The following CA14 variants were observed in gnomAD, a reference collection of about 807,000 sequenced individuals.
CA14 encodes the protein carbonic anhydrase 14.
In CA14, 44 loss-of-function variants were observed where a neutral mutation model predicts 48.8. That is an observed-to-expected ratio of 0.90 (90% confidence interval 0.71 to 1.16). The LOEUF is 1.16. Among genes scored for constraint, CA14 ranks in the 50% most tolerant of loss-of-function variants. CA14 has a pLI of 0.00. For synonymous variants in CA14, 154 were observed against 155.0 expected, an observed-to-expected ratio of 0.99 and a Z score of 0.05; for missense variants, 386 against 401.0, an observed-to-expected ratio of 0.96 and a Z score of 0.32.
rs781986711 is a variant in CA14 at position 150,262,913 on chromosome 1, C to CA, written c.562+48dup. On this transcript the variant is annotated intron_variant, in intron 6 of 10. Coordinates refer to ENST00000369111, the MANE Select transcript of CA14 (RefSeq NM_012113.3). ...ATAGCAGGAAGTAAGATTAGACTTT[C>CA]AAAAACTATCCTTAAAAGCCTTGGG... is the stretch of plus-strand genomic sequence containing the variant. 4.4e-6 allele frequency: 7 copies of CA among 1,585,862 alleles called. No individual in the cohort carries two copies. The South Asian group carries it at 7.7e-5, about 18-fold the overall frequency.
intron 2 of CA14, chr1:150,260,741 ATC>A (rs1650944080): frequency 7.1e-6 from 1 of 141,114 alleles, no homozygotes; most frequent in South Asian, 1.9e-4. Flanking sequence ...AGGAGACCGT[ATC>A]TCTCTAGGTT....
In CA14 at chr1:150,258,127, C is replaced by CT; in HGVS notation, c.-1dup. Reference sequence around the variant, plus strand: ...GTCCCCTGCACCCCTTCCTGGGACACTATGTTGTTCTCCGCCCTCCTGCTG... The same window carrying CT: ...GTCCCCTGCACCCCTTCCTGGGACACTTATGTTGTTCTCCGCCCTCCTGCTG... On this transcript the variant is annotated 5_prime_UTR_variant, in exon 1 of 11. Coordinates refer to ENST00000369111, the MANE Select transcript of CA14 (RefSeq NM_012113.3). 6.2e-7 allele frequency: 1 copy of CT among 1,609,588 alleles called. No individual in the cohort carries two copies. Among genetic ancestry groups the CT allele is most frequent in the Non-Finnish European group, 8.5e-7 (1 of 1,177,248 alleles).
intron 5 of CA14, 46 bp from the exon 6 acceptor site, chr1:150,262,758 C>T: frequency 6.7e-7 from 1 of 1,498,578 alleles, no homozygotes; most frequent in Non-Finnish European, 9.3e-7. Flanking sequence ...TTTCTTATTC[C>T]AAACATGGAC....
At chr1:150,263,732 G>T in intron 9 of CA14, 53 bp downstream of exon 9, 1 of 1,612,714 alleles carries the variant, frequency 6.2e-7, no homozygotes, top group Non-Finnish European at 8.5e-7. Flanking sequence ...TCACCGAGTG[G>T]GGGAAAGGCT....
At position 150,263,878 on chromosome 1, in the gene CA14, G is replaced by A. The variant is rs781803173; in HGVS notation, c.947G>A (p.Arg316Gln). The change falls in exon 10 of 11, where the codon CGG (arginine) becomes CAG (glutamine). Residue 316 changes from arginine (R) to glutamine (Q), a missense_variant and splice_region_variant. Coordinates refer to ENST00000369111, the MANE Select transcript of CA14 (RefSeq NM_012113.3). ...GTTTATTTCATTGCTAGAAAGATTCGGTGAGGCCCTACTTTCCATTCCTCC... is the reference window on the plus strand; with the variant it reads ...GTTTATTTCATTGCTAGAAAGATTCAGTGAGGCCCTACTTTCCATTCCTCC... ...LAVYFIARKI[R>Q]KKRLENRKSV... The A allele has an allele frequency of 8.7e-6, 14 of 1,608,178 alleles. No individual in the cohort carries two copies. In the East Asian group the frequency reaches 1.1e-4, roughly 13 times the overall value.
intron 6 of CA14, 77 bp downstream of exon 6, chr1:150,262,947 A>G (rs1651197173): frequency 6.3e-7 from 1 of 1,582,392 alleles, no homozygotes. Flanking sequence ...GGATGAAGCA[A>G]TTACATAGAG....
chr1:150,258,674 T>TA (rs1373278345), intron 1 of CA14, among the ~76,000 whole-genome samples: 4 of 152,226 alleles, frequency 2.6e-5, no homozygotes, highest in African/African-American at 9.6e-5. Context: ...GTGGAGCGAC[T>TA]AACTCCCCAG....
At chr1:150,261,822 G>A (rs1651059981) in intron 3 of CA14, among the ~76,000 whole-genome samples, 184 bp downstream of exon 3, 1 of 152,152 alleles carries the variant, frequency 6.6e-6, no homozygotes, top group African/African-American at 2.4e-5. Context: ...AATAACCTCA[G>A]GAGTCAGAGG....
chr1:150,260,447 G>T, intron 2 of CA14: 1 of 534,178 alleles, frequency 1.9e-6, no homozygotes, highest in Non-Finnish European at 3.4e-6. Flanking sequence ...AAGCTGGGTG[G>T]GAACTCTGAG....
At position 150,258,173 on chromosome 1, in the gene CA14, T is replaced by C; in HGVS notation, c.45T>C (p.Ala15=). Residue 15 remains alanine (A), a synonymous_variant, in exon 1 of 11, where the codon GCT becomes GCC. Coordinates refer to ENST00000369111, the MANE Select transcript of CA14 (RefSeq NM_012113.3). ...ALLLEVIWIL[A]ADGGQHWTYE... ...TGCTGGAGGTGATTTGGATCCTGGCTGCAGATGGGGGTAGGTACAACTAAA... is the reference window on the plus strand; with the variant it reads ...TGCTGGAGGTGATTTGGATCCTGGCCGCAGATGGGGGTAGGTACAACTAAA... 6.8e-6 allele frequency: 11 copies of C among 1,611,498 alleles called. No individual in the cohort carries two copies. Among genetic ancestry groups the C allele is most frequent in the Non-Finnish European group, 9.3e-6 (11 of 1,178,290 alleles).
chr1:150,263,554 C>T (rs782264143), intron 8 of CA14, 105 bp from the exon 9 acceptor site: 285 of 1,610,798 alleles, frequency 1.8e-4, no homozygotes, highest in Non-Finnish European at 2.3e-4. Context: ...CAACCCCCAC[C>T]CCAGGGTGCC....
At chr1:150,264,457 C>T in intron 10 of CA14, 136 bp from the exon 11 acceptor site, 1 of 580,478 alleles carries the variant, frequency 1.7e-6, no homozygotes, top group Non-Finnish European at 3.1e-6. Context: ...CCCGCCTCAG[C>T]CTCCCAAAGT....
At chr1:150,261,199 A>C in intron 2 of CA14, 1 of 496,402 alleles carries the variant, frequency 2.0e-6, no homozygotes, top group East Asian at 3.3e-5. Context: ...TAAAAGAGCT[A>C]CCACTCCCCA....
rs782165880 is a variant in CA14 at position 150,258,151 on chromosome 1, T to C, written c.23T>C (p.Leu8Pro). ...ACTATGTTGTTCTCCGCCCTCCTGC[T>C]GGAGGTGATTTGGATCCTGGCTGCA... MLFSALLLEVIWILAADG... is the reference protein window; with the variant it reads MLFSALLPEVIWILAADG... Residue 8 changes from leucine (L) to proline (P), a missense_variant, in exon 1 of 11, where the codon CTG (leucine) becomes CCG (proline). Coordinates refer to ENST00000369111, the MANE Select transcript of CA14 (RefSeq NM_012113.3). 1.1e-5 allele frequency: 18 copies of C among 1,611,174 alleles called. No homozygotes were observed. In the African/African-American group the frequency reaches 1.9e-4, roughly 17 times the overall value.
Position 150,262,190 on chromosome 1 carries a change from G to A in CA14, c.289G>A (p.Gly97Ser), listed in dbSNP as rs145003403. ...QLSLPSTLYLGGLPRKYVAAQ... is the reference protein window; with the variant it reads ...QLSLPSTLYLSGLPRKYVAAQ... Reference sequence around the variant, plus strand: ...CTCTCTGCCCTCTACCCTGTATCTGGGTGGACTTCCCCGAAAATATGTAGC... The same window carrying A: ...CTCTCTGCCCTCTACCCTGTATCTGAGTGGACTTCCCCGAAAATATGTAGC... The change falls in exon 4 of 11, where the codon GGT (glycine) becomes AGT (serine). Residue 97 changes from glycine (G) to serine (S), a missense_variant. Physicochemically the swap from Gly to Ser is moderately conservative, Grantham distance 56. Coordinates refer to ENST00000369111, the MANE Select transcript of CA14 (RefSeq NM_012113.3). The A allele has an allele frequency of 1.4e-5, 22 of 1,614,032 alleles. No individual in the cohort carries two copies. In the African/African-American group the frequency reaches 2.4e-4, roughly 18 times the overall value.
intron 4 of CA14, 73 bp downstream of exon 4, chr1:150,262,373 C>G: frequency 6.5e-7 from 1 of 1,549,720 alleles, no homozygotes; most frequent in Non-Finnish European, 8.8e-7. Context: ...GGATCTGGAC[C>G]TTAGGAAAAG....
Position 150,258,092 on chromosome 1 carries a change from C to T in CA14, c.-37C>T. ...CTGCCTGTCCTAGTCCTCTAGTCCT[C>T]AAATTCCCAGTCCCCTGCACCCCTT... On this transcript the variant is annotated 5_prime_UTR_variant, in exon 1 of 11. Coordinates refer to ENST00000369111, the MANE Select transcript of CA14 (RefSeq NM_012113.3). 1 of 1,571,196 alleles carries T rather than the reference C, an allele frequency of 6.4e-7. No individual in the cohort carries two copies. The highest frequency in any genetic ancestry group is 8.7e-7 in the Non-Finnish European group (1 of 1,149,426).
chr1:150,263,563 C>G, intron 8 of CA14, 96 bp from the exon 9 acceptor site: 1 of 1,611,242 alleles, frequency 6.2e-7, no homozygotes, highest in Middle Eastern at 2.2e-4. Flanking sequence ...CCCCAGGGTG[C>G]CCCCGGGGGA....
intron 8 of CA14, 34 bp downstream of exon 8, chr1:150,263,453 T>G: frequency 1.2e-6 from 2 of 1,611,880 alleles, no homozygotes; most frequent in Non-Finnish European, 1.7e-6. Flanking sequence ...GATGGGAAAC[T>G]GAGGGGGACA....
Sources: gnomAD v4.1 joint callset for allele counts (sites outside exome capture counted in the v4.1 genomes callset) on GRCh38, gnomAD v4.1.1 for gene constraint, MANE v1.5 for transcripts, NCBI Gene and HGNC (gene_info 2026-07-23, HGNC 2026-07-21) for gene names.